Variants in SLC4A4 observed in about 807,000 individuals in gnomAD.
SLC4A4 encodes electrogenic sodium bicarbonate cotransporter 1.
Under a neutral mutation model 111.5 loss-of-function variants are expected in SLC4A4, and 27 were observed. The ratio of observed to expected loss-of-function variants is 0.24; its 90% CI spans 0.18 to 0.33. The LOEUF (loss-of-function observed/expected upper bound fraction) is 0.33, where lower values mean the gene tolerates loss of function less well. Among genes scored for constraint, SLC4A4 ranks in the 10% least tolerant of loss-of-function variants. SLC4A4 has a pLI of 1.00. For synonymous variants in SLC4A4, 443 were observed against 463.4 expected, an observed-to-expected ratio of 0.96 and a Z score of 0.57; for missense variants, 909 against 1,315.5, an observed-to-expected ratio of 0.69 and a Z score of 4.78.
At chr4:71,439,280 T>C (rs1467030510) in intron 7 of SLC4A4, among the ~76,000 whole-genome samples, 5 of 150,666 alleles carry the variant, frequency 3.3e-5, no homozygotes, top group African/African-American at 1.2e-4. Flanking sequence ...ACGAAAAAAT[T>C]ACCCAGGCAT....
At chr4:71,497,433 C>T in intron 15 of SLC4A4, 68 bp from the exon 16 acceptor site, 1 of 1,285,702 alleles carries the variant, frequency 7.8e-7, no homozygotes, top group Non-Finnish European at 1.1e-6. Context: ...TATAGCTCAT[C>T]AAGTATCAAA....
chr4:71,235,183 A>G (rs1455742120), intron 1 of SLC4A4, among the ~76,000 whole-genome samples: 1 of 152,242 alleles, frequency 6.6e-6, no homozygotes, highest in Admixed American at 6.5e-5. Flanking sequence ...TGCTCCAGGT[A>G]GCACACTTGT....
intron 1 of SLC4A4, among the ~76,000 whole-genome samples, chr4:71,232,976 C>T (rs756817817): frequency 5.3e-5 from 8 of 152,224 alleles, no homozygotes; most frequent in African/African-American, 1.9e-4. Flanking sequence ...TATTAATGTA[C>T]GTGCAGTAGC....
intron 6 of SLC4A4, among the ~76,000 whole-genome samples, chr4:71,360,775 T>C (rs2148917681): frequency 6.6e-6 from 1 of 152,290 alleles, no homozygotes; most frequent in Admixed American, 6.5e-5. Flanking sequence ...AATACAATAT[T>C]GTATATTTTA....
chr4:71,381,286 G>A (rs567091948), intron 6 of SLC4A4, among the ~76,000 whole-genome samples: 1 of 152,252 alleles, frequency 6.6e-6, no homozygotes, highest in South Asian at 2.1e-4. Context: ...CTTGATTTTG[G>A]GAATTGCTGT....
intron 10 of SLC4A4, among the ~76,000 whole-genome samples, 200 bp from the exon 11 acceptor site, chr4:71,450,988 A>C (rs190390177): frequency 6.6e-6 from 1 of 152,330 alleles, no homozygotes; most frequent in African/African-American, 2.4e-5. Context: ...CAGTTCATTC[A>C]ACTTTCCTAT....
chr4:71,406,241 T>C (rs577323994), intron 7 of SLC4A4, among the ~76,000 whole-genome samples: 1 of 152,220 alleles, frequency 6.6e-6, no homozygotes, highest in Admixed American at 6.5e-5. Flanking sequence ...TAAAAAGTTT[T>C]ATACCTTATA....
intron 16 of SLC4A4, among the ~76,000 whole-genome samples, chr4:71,528,659 T>A (rs1733626976): frequency 6.6e-6 from 1 of 152,096 alleles, no homozygotes; most frequent in South Asian, 2.1e-4. Flanking sequence ...AGATTTTTTT[T>A]ATGATATTGT....
chr4:71,546,756 T>A (rs1735563981), intron 19 of SLC4A4, among the ~76,000 whole-genome samples: 1 of 152,024 alleles, frequency 6.6e-6, no homozygotes, highest in African/African-American at 2.4e-5. Flanking sequence ...GGCTAAATGT[T>A]GCAATATAAA....
chr4:71,162,711 G>A (rs535895348), intron 2 of SLC4A4, among the ~76,000 whole-genome samples: 1 of 152,194 alleles, frequency 6.6e-6, no homozygotes, highest in East Asian at 1.9e-4. Flanking sequence ...TTGATTTTGG[G>A]TCTAGGTGTA....
intron 16 of SLC4A4, among the ~76,000 whole-genome samples, chr4:71,499,003 T>C (rs1730666428): frequency 6.6e-6 from 1 of 152,168 alleles, no homozygotes; most frequent in Non-Finnish European, 1.5e-5. Context: ...GAAATGTGCT[T>C]TCTTGATACA....
intron 2 of SLC4A4, among the ~76,000 whole-genome samples, chr4:71,136,623 T>G (rs1743852353): frequency 6.6e-6 from 1 of 152,164 alleles, no homozygotes; most frequent in Non-Finnish European, 1.5e-5. Context: ...TCAGACGAAC[T>G]GATTTGAGAT....
intron 6 of SLC4A4, among the ~76,000 whole-genome samples, chr4:71,377,337 T>C (rs1477281646): frequency 6.6e-6 from 1 of 152,212 alleles, no homozygotes; most frequent in Admixed American, 6.5e-5. Context: ...GTGGTGGTAA[T>C]AATTGAAAGT....
At chr4:71,181,577 C>G (rs926418740) in intron 2 of SLC4A4, among the ~76,000 whole-genome samples, 1 of 152,130 alleles carries the variant, frequency 6.6e-6, no homozygotes, top group Non-Finnish European at 1.5e-5. Context: ...AGCCTGAAAT[C>G]TGTCTTAATA....
chr4:71,563,365 G>A (rs1044269558), intron 23 of SLC4A4, among the ~76,000 whole-genome samples: 3 of 34,862 alleles, frequency 8.6e-5, no homozygotes, highest in African/African-American at 4.9e-5. Context: ...AGGAAAGATC[G>A]GTCATGATTT....
In SLC4A4 at chr4:71,195,666, G is replaced by A. The variant is rs150104576; in HGVS notation, c.-2+8265G>A. ...CTTTTTAAAACAAATGCATCCAGGC[G>A]TGCCTGGTTATTGCTTTATTTAAAG... On this transcript the variant is annotated intron_variant, in intron 1 of 25. Coordinates refer to ENST00000264485, the MANE Select transcript of SLC4A4 (RefSeq NM_001098484.3). 9.5e-4 allele frequency among the ~76,000 whole-genome samples: 144 copies of A among 152,286 alleles called. No individual in the cohort carries two copies. In the East Asian group the frequency reaches 0.027, roughly 28 times the overall value.
intron 7 of SLC4A4, among the ~76,000 whole-genome samples, chr4:71,414,112 C>T (rs1394978356): frequency 3.3e-5 from 5 of 152,290 alleles, no homozygotes; most frequent in African/African-American, 1.2e-4. Context: ...ATGCTTTCAC[C>T]AGAAAAATGC....
chr4:71,106,795 G>C (rs1214564019), intron 2 of SLC4A4, among the ~76,000 whole-genome samples: 9 of 104,424 alleles, frequency 8.6e-5, no homozygotes, highest in South Asian at 4.1e-4. Flanking sequence ...AGGGGGGAGG[G>C]ATAGCATTGG....
At position 71,099,750 on chromosome 4, in the gene SLC4A4, C is replaced by A. The variant is rs188781273; in HGVS notation, c.-2+6958C>A. Among the ~76,000 whole-genome samples, 4 of 151,918 alleles carry A rather than the reference C, an allele frequency of 2.6e-5. No homozygotes were observed. In the East Asian group the frequency reaches 5.8e-4, roughly 22 times the overall value. ...TCCAAATAAACACAATTAGAAATGACAAAGGGTGTGACAAAGGGCATTTTA... is the reference window on the plus strand; with the variant it reads ...TCCAAATAAACACAATTAGAAATGAAAAAGGGTGTGACAAAGGGCATTTTA... On this transcript the variant is annotated intron_variant, in intron 2 of 26. Transcript: ENST00000649996.
Sources: gnomAD v4.1 joint callset for allele counts (sites outside exome capture counted in the v4.1 genomes callset) on GRCh38, gnomAD v4.1.1 for gene constraint, MANE v1.5 for transcripts, NCBI Gene and HGNC (gene_info 2026-07-23, HGNC 2026-07-21) for gene names.